The following LYST variants were observed in gnomAD, a reference collection of about 807,000 sequenced individuals.
LYST encodes lysosomal trafficking regulator, also known as lysosomal-trafficking regulator.
In LYST, 192 loss-of-function variants were observed where a neutral mutation model predicts 413.6. That is an observed-to-expected ratio of 0.46 (90% CI 0.41 to 0.52). The LOEUF is 0.52. Among genes scored for constraint, LYST ranks in the 20% least tolerant of loss-of-function variants. The pLI, the probability that LYST is intolerant of heterozygous loss-of-function variation, is 0.00. For synonymous variants in LYST, 1,525 were observed against 1,567.3 expected, an observed-to-expected ratio of 0.97 and a Z score of 0.64; for missense variants, 3,815 against 4,499.9, an observed-to-expected ratio of 0.85 and a Z score of 4.35.
At chr1:235,820,361 C>A (rs1435481687) in intron 3 of LYST, among the ~76,000 whole-genome samples, 2 of 151,310 alleles carry the variant, frequency 1.3e-5, no homozygotes, top group Non-Finnish European at 2.9e-5. Flanking sequence ...ATAGGTATTT[C>A]TTTTCTTTTC....
At position 235,809,435 on chromosome 1, in the gene LYST, A is replaced by C; in HGVS notation, c.1383T>G (p.Val461=). ...QMEWLVLRDG[V]PPEASEHLKA... is the part of the protein sequence containing the mutation. ...TCAAATGCTCTGAGGCCTCGGGAGG[A>C]ACTCCATCTCTTAAAACCAGCCATT... The change falls in exon 5 of 53, where the codon GTT becomes GTG. Residue 461 remains valine (V), a synonymous_variant. Transcript: ENST00000389793. This position sits in a 1 kb window ranked among gnomAD's most constrained non-coding sequence, Gnocchi z 4.0. The C allele has an allele frequency of 6.2e-7, 1 of 1,613,932 alleles. No individual in the cohort carries two copies. Among genetic ancestry groups the C allele is most frequent in the South Asian group, 1.1e-5 (1 of 91,074 alleles).
At chr1:235,853,834 A>T (rs1455969203) in intron 1 of LYST, among the ~76,000 whole-genome samples, 2 of 152,182 alleles carry the variant, frequency 1.3e-5, no homozygotes, top group Non-Finnish European at 2.9e-5. Context: ...AAAACGCACC[A>T]AACTTAAGCC....
intron 45 of LYST, among the ~76,000 whole-genome samples, chr1:235,700,972 G>A (rs1661498539): frequency 6.6e-6 from 1 of 152,140 alleles, no homozygotes; most frequent in South Asian, 2.1e-4. Flanking sequence ...GAAGGGGAAG[G>A]GATCTGAGGA....
At chr1:235,689,461 T>C (rs941678871) in intron 47 of LYST, among the ~76,000 whole-genome samples, 2 of 151,636 alleles carry the variant, frequency 1.3e-5, no homozygotes, top group African/African-American at 4.9e-5. Flanking sequence ...CTACAGAGAG[T>C]AGAGTAGCAG....
intron 21 of LYST, among the ~76,000 whole-genome samples, chr1:235,765,473 C>T (rs142866112): frequency 3.1e-4 from 47 of 152,282 alleles, no homozygotes; most frequent in Middle Eastern, 3.4e-3. Flanking sequence ...AATACAAGTT[C>T]GAATTCTCTG....
At chr1:235,859,853 A>C (rs1679656658) in intron 1 of LYST, among the ~76,000 whole-genome samples, 1 of 152,208 alleles carries the variant, frequency 6.6e-6, no homozygotes, top group African/African-American at 2.4e-5. Flanking sequence ...TAAAATAATA[A>C]ATGGGAATGT....
rs756365183 is a variant in LYST, at chr1:235,744,141, A to G, written c.7989T>C (p.Ile2663=). The change falls in exon 30 of 53, where the codon ATT becomes ATC. Residue 2663 remains isoleucine (I), a synonymous_variant. Transcript: ENST00000389793. ...RIIYQEFNSD[I]IDILRTPENV... ...TTTCTGGAGTTCTCAAAATGTCAAT[A>G]ATGTCTGAATTAAATTCTTTGAATT... 6.3e-6 allele frequency: 10 copies of G among 1,579,374 alleles called. No individual in the cohort carries two copies. The highest frequency in any genetic ancestry group is 8.7e-6 in the Non-Finnish European group (10 of 1,148,790).
Position 235,801,019 on chromosome 1 carries a change from C to T in LYST, c.3791G>A (p.Gly1264Glu). Residue 1264 changes from glycine to glutamate, a missense_variant, in exon 9 of 53, where the codon GGG becomes GAG. Physicochemically the swap from Gly to Glu is moderately conservative, Grantham distance 98. Coordinates refer to ENST00000389793, the MANE Select transcript of LYST (RefSeq NM_000081.4). Reference protein sequence around the residue: ...PNDLLENLTQGEIIYPEICML... With the variant: ...PNDLLENLTQEEIIYPEICML... ...ACAAATCTCAGGATAAATTATTTCC[C>T]CTTGAGTGAGGTTTTCGAGTAAGTC... 6.2e-7 allele frequency: 1 copy of T among 1,613,704 alleles called. No homozygotes were observed. Among genetic ancestry groups the T allele is most frequent in the Non-Finnish European group, 8.5e-7 (1 of 1,179,798 alleles).
rs781295185 is a variant in LYST at position 235,809,245 on chromosome 1, T to C, written c.1573A>G (p.Lys525Glu). 1 of 1,613,744 alleles carries C rather than the reference T, an allele frequency of 6.2e-7. No homozygotes were observed. The highest frequency in any genetic ancestry group is 1.3e-5 in the African/African-American group (1 of 74,854). ...DLSGLLVSAFKNQVSKNPFEE... is the reference protein window; with the variant it reads ...DLSGLLVSAFENQVSKNPFEE... ...AATGGGTTTTTGGAAACCTGGTTTTTAAAAGCCGAAACCAGAAGACCTGAG... is the reference window on the plus strand; with the variant it reads ...AATGGGTTTTTGGAAACCTGGTTTTCAAAAGCCGAAACCAGAAGACCTGAG... The change falls in exon 5 of 53, where the codon AAA becomes GAA. Residue 525 changes from lysine to glutamate, a missense_variant. Transcript: ENST00000389793. This position sits in a 1 kb window ranked among gnomAD's most constrained non-coding sequence, Gnocchi z 4.0.
intron 1 of LYST, among the ~76,000 whole-genome samples, chr1:235,872,729 A>G (rs1251784041): frequency 6.6e-6 from 1 of 152,162 alleles, no homozygotes; most frequent in Non-Finnish European, 1.5e-5. Flanking sequence ...AGCCTGGCCA[A>G]CATGGTGAAA....
chr1:235,724,737 G>A (rs908594704), intron 38 of LYST, among the ~76,000 whole-genome samples: 2 of 152,044 alleles, frequency 1.3e-5, no homozygotes, highest in East Asian at 3.9e-4. Flanking sequence ...CTATAGTTTT[G>A]CCTTTTCCAA....
rs938106847 is a variant in LYST at position 235,733,761 on chromosome 1, A to C, written c.8612+69T>G. On this transcript the variant is annotated intron_variant, in intron 33 of 52. Transcript: ENST00000389793. ...GTATTTATCAGAACATGATACTTTAAAACTAAAAGTATATGTGAAATCTAA... is the reference window on the plus strand; with the variant it reads ...GTATTTATCAGAACATGATACTTTACAACTAAAAGTATATGTGAAATCTAA... 17 of 1,506,958 alleles carry C rather than the reference A, an allele frequency of 1.1e-5. No individual in the cohort carries two copies. In the African/African-American group the frequency reaches 2.3e-4, roughly 21 times the overall value. The allele number at this position is 1,506,958 out of a possible 1,614,324, so 93.3% of individuals were successfully genotyped here.
intron 3 of LYST, among the ~76,000 whole-genome samples, chr1:235,816,940 AGAG>A (rs1232824501): frequency 1.3e-5 from 2 of 152,244 alleles, no homozygotes; most frequent in African/African-American, 4.8e-5. Context: ...AACAGCCTAC[AGAG>A]TGGGAGAAAA....
chr1:235,830,458 G>A (rs937035377), intron 2 of LYST, 34 bp from the exon 3 acceptor site: 14 of 1,459,670 alleles, frequency 9.6e-6, no homozygotes, highest in African/African-American at 1.4e-5. Flanking sequence ...AAAAAGATTA[G>A]GAAAACAAAT....
intron 42 of LYST, among the ~76,000 whole-genome samples, chr1:235,714,193 G>T (rs1343704763): frequency 1.3e-5 from 2 of 152,134 alleles, no homozygotes; most frequent in Admixed American, 6.5e-5. Flanking sequence ...TTAAACATTG[G>T]TTTTAAAAAC....
chr1:235,794,266 GA>G (rs1671331504), intron 10 of LYST, among the ~76,000 whole-genome samples: 1 of 152,088 alleles, frequency 6.6e-6, no homozygotes, highest in African/African-American at 2.4e-5. Flanking sequence ...ATCTTATCTT[GA>G]AAATGTTTAA....
intron 50 of LYST, among the ~76,000 whole-genome samples, chr1:235,666,153 T>C (rs561266326): frequency 9.5e-4 from 144 of 151,172 alleles, no homozygotes; most frequent in African/African-American, 3.3e-3. Context: ...GCAGCATTAT[T>C]CACAATAGCC....
intron 20 of LYST, among the ~76,000 whole-genome samples, chr1:235,767,243 C>G (rs1668234099): frequency 6.6e-6 from 1 of 152,088 alleles, no homozygotes; most frequent in Admixed American, 6.5e-5. Flanking sequence ...CTTCATATGT[C>G]CAAATATATA....
intron 44 of LYST, among the ~76,000 whole-genome samples, chr1:235,704,021 C>T (rs1027571774): frequency 6.6e-6 from 1 of 152,164 alleles, no homozygotes; most frequent in African/African-American, 2.4e-5. Flanking sequence ...GTTTTCTGTT[C>T]CTGCATTAGT....
Sources: allele counts gnomAD v4.1 joint callset (sites outside exome capture counted in the v4.1 genomes callset), GRCh38; gene constraint gnomAD v4.1.1; non-coding constraint Gnocchi (gnomAD v3.1); transcripts MANE v1.5; gene names NCBI Gene and HGNC (gene_info 2026-07-23, HGNC 2026-07-21).